BAHCC1: variants seen among roughly 807,000 people sequenced by gnomAD.
BAHCC1 encodes the protein BAH domain and coiled-coil containing 1.
Under a neutral mutation model 88.2 loss-of-function variants are expected in BAHCC1, and 43 were observed. The observed-to-expected ratio is 0.49, with a 90% CI of 0.38 to 0.63. The LOEUF is 0.63. Among genes scored for constraint, BAHCC1 ranks in the 20% least tolerant of loss-of-function variants. The probability of loss-of-function intolerance (pLI) is 0.00; values close to 1 mark genes in which losing one functional copy is unlikely to be tolerated. For synonymous variants in BAHCC1, 1,510 were observed against 745.5 expected (o/e 2.03, Z -16.71); for missense variants, 3,023 against 1,654.8 (o/e 1.83, Z -14.34).
rs375573223 is a variant in BAHCC1 at position 81,443,797 on chromosome 17, G to C, written c.2216-12G>C. On this transcript the variant is annotated splice_polypyrimidine_tract_variant and intron_variant, in intron 5 of 27. Transcript: ENST00000675386. ...CCAACCCTCTCCCGTCTGCTGTCTC[G>C]ACCCTGTGCAGGTGGCGGTGGGCCC... is the stretch of plus-strand genomic sequence containing the variant. The C allele has an allele frequency of 1.6e-5, 11 of 708,938 alleles. 1 individual carries two copies. The highest frequency in any genetic ancestry group is 2.0e-5 in the Admixed American group (1 of 49,984). 43.9% of individuals were successfully genotyped at this position (708,938 alleles called of 1,614,324 possible).
chr17:81,401,468 A>G (rs2063816054), intron 2 of BAHCC1: 1 of 152,690 alleles, frequency 6.5e-6, no homozygotes, highest in African/African-American at 2.4e-5. Flanking sequence ...GGGTGATTTA[A>G]AAATATCTCT....
Position 81,460,337 on chromosome 17 carries a change from A to G in BAHCC1, c.5966A>G (p.Asp1989Gly). 1.3e-6 allele frequency: 1 copy of G among 776,794 alleles called. No homozygotes were observed. The allele number at this position is 776,794 out of a possible 1,614,324, so 48.1% of individuals were successfully genotyped here. A position where few individuals can be genotyped will look rare whatever the true frequency, so the allele number is the denominator to read the frequency against. The change falls in exon 24 of 28, where the codon GAT becomes GGT. Residue 1989 changes from aspartate (D) to glycine (G), a missense_variant. Asp to Gly is a moderately conservative substitution (Grantham distance 94). Coordinates refer to ENST00000675386, the MANE Select transcript of BAHCC1 (RefSeq NM_001377448.1). Reference protein sequence around the residue: ...DSVVVEFDDGDTGHIAVSNVR... With the variant: ...DSVVVEFDDGGTGHIAVSNVR... ...GTAGTGGTGGAATTTGACGATGGGGATACAGGCCACATCGCCGTCTCCAAC... is the reference window on the plus strand; with the variant it reads ...GTAGTGGTGGAATTTGACGATGGGGGTACAGGCCACATCGCCGTCTCCAAC...
At position 81,399,444 on chromosome 17, in the gene BAHCC1, T is replaced by C. The variant is rs1234678732; in HGVS notation, c.-206-90T>C. The C allele has an allele frequency of 5.9e-5, 1 of 16,816 alleles. No homozygotes were observed. The highest frequency in any genetic ancestry group is 1.2e-4 in the Non-Finnish European group (1 of 8,082). 1.0% of individuals were successfully genotyped at this position (16,816 alleles called of 1,614,324 possible). A position where few individuals can be genotyped will look rare whatever the true frequency, so the allele number is the denominator to read the frequency against. On this transcript the variant is annotated intron_variant, in intron 1 of 27. Transcript: ENST00000675386. This position sits in a 1 kb window ranked among gnomAD's most constrained non-coding sequence, Gnocchi z 4.5. The stretch of plus-strand genomic sequence containing the variant: ...CGCTCGGGCCGGCGGGGGTGGGGGG[T>C]GGGGGGAGTGGGTGAGCGGGCGGGG...
At chr17:81,429,375 A>ATCCCC (rs2064235202) in intron 3 of BAHCC1, among the ~76,000 whole-genome samples, 2 of 152,156 alleles carry the variant, frequency 1.3e-5, no homozygotes, top group South Asian at 2.1e-4. Flanking sequence ...ACCCCCCGGG[A>ATCCCC]TCCCCTCCCC....
chr17:81,415,478 C>T, intron 2 of BAHCC1: 1 of 502,318 alleles, frequency 2.0e-6, no homozygotes, highest in Non-Finnish European at 4.0e-6. Context: ...TTGGAGCCAG[C>T]TGTACCAAAA....
chr17:81,406,415 G>A (rs1224253222), intron 2 of BAHCC1, among the ~76,000 whole-genome samples: 3 of 152,034 alleles, frequency 2.0e-5, no homozygotes, highest in Admixed American at 2.0e-4. Flanking sequence ...GGGGTTCCCC[G>A]GTCCCCATTA....
intron 2 of BAHCC1, among the ~76,000 whole-genome samples, chr17:81,415,788 T>C (rs2064012938): frequency 6.6e-6 from 1 of 152,230 alleles, no homozygotes; most frequent in Non-Finnish European, 1.5e-5. Context: ...CCAGCCCTGC[T>C]TAAGCTGACT....
At chr17:81,419,620 G>A (rs2064089347) in intron 2 of BAHCC1, among the ~76,000 whole-genome samples, 1 of 151,758 alleles carries the variant, frequency 6.6e-6, no homozygotes, top group East Asian at 1.9e-4. Flanking sequence ...GCCTGAGTGG[G>A]TGTGGGTCGG....
chr17:81,418,545 C>T (rs1486902178), intron 2 of BAHCC1, among the ~76,000 whole-genome samples: 2 of 152,156 alleles, frequency 1.3e-5, no homozygotes, highest in Admixed American at 6.5e-5. Context: ...GGACATGCCC[C>T]GACCCAGGGC....
At chr17:81,415,467 G>A (rs2064008556) in intron 2 of BAHCC1, 1 of 492,184 alleles carries the variant, frequency 2.0e-6, no homozygotes, top group Non-Finnish European at 4.1e-6. Context: ...GCCCCATGTG[G>A]TTGGAGCCAG....
At chr17:81,423,635 G>A (rs1441231890) in intron 2 of BAHCC1, among the ~76,000 whole-genome samples, 1 of 152,246 alleles carries the variant, frequency 6.6e-6, no homozygotes, top group African/African-American at 2.4e-5. Context: ...AAGGTGCCAG[G>A]GTGCCTGGCT....
intron 3 of BAHCC1, among the ~76,000 whole-genome samples, chr17:81,431,968 C>T (rs1034617365): frequency 0.083 from 12,575 of 152,252 alleles, 610 homozygotes; most frequent in Middle Eastern, 0.14. Flanking sequence ...AGGACTGTGG[C>T]AGATGCGGCA....
chr17:81,442,459 C>T lies in BAHCC1; in HGVS notation c.1110C>T (p.His370=), dbSNP rs560358666. The T allele has an allele frequency of 1.1e-5, 8 of 715,730 alleles. No individual in the cohort carries two copies. Among genetic ancestry groups the T allele is most frequent in the East Asian group, 5.3e-5 (2 of 37,752 alleles). 44.3% of individuals were successfully genotyped at this position (715,730 alleles called of 1,614,324 possible). Residue 370 remains histidine (H), a synonymous_variant, in exon 5 of 28, where the codon CAC becomes CAT. Transcript: ENST00000675386. The part of the protein sequence containing the change: ...AAGSFPCLQL[H]GGPDGLCPLQ... ...GCTCCTTCCCCTGCCTGCAGCTGCA[C>T]GGGGGCCCTGACGGGCTCTGCCCGC...
intron 16 of BAHCC1, among the ~76,000 whole-genome samples, chr17:81,457,117 A>C (rs1442507081): frequency 6.6e-6 from 1 of 151,972 alleles, no homozygotes; most frequent in East Asian, 1.9e-4. Context: ...ACAGCAGAAA[A>C]AGGGGAAGGG....
At chr17:81,418,718 G>A (rs2064066983) in intron 2 of BAHCC1, among the ~76,000 whole-genome samples, 1 of 152,090 alleles carries the variant, frequency 6.6e-6, no homozygotes, top group African/African-American at 2.4e-5. Context: ...CCATGCCCGA[G>A]AACAGAGTCT....
At position 81,460,874 on chromosome 17, in the gene BAHCC1, G is replaced by A. The variant is rs782409877; in HGVS notation, c.6211G>A (p.Glu2071Lys). 2.2e-5 allele frequency: 17 copies of A among 766,528 alleles called. No homozygotes were observed. Among genetic ancestry groups the A allele is most frequent in the East Asian group, 2.2e-4 (9 of 41,224 alleles). 47.5% of individuals were successfully genotyped at this position (766,528 alleles called of 1,614,324 possible). ...SISKDKAGKAELLTSGAKSPT... is the reference protein window; with the variant it reads ...SISKDKAGKAKLLTSGAKSPT... Reference sequence around the variant, plus strand: ...TGGGCTTTTGCCCTCAGGTAAAGCCGAACTCCTAACCTCAGGTGCCAAATC... The same window carrying A: ...TGGGCTTTTGCCCTCAGGTAAAGCCAAACTCCTAACCTCAGGTGCCAAATC... The change falls in exon 26 of 28, where the codon GAA becomes AAA. Residue 2071 changes from glutamate (E) to lysine (K), a missense_variant. Physicochemically the swap from Glu to Lys is moderately conservative, Grantham distance 56. Transcript: ENST00000675386.
In BAHCC1 at chr17:81,399,985, C is replaced by T. The variant is rs371817059; in HGVS notation, c.178+68C>T. The T allele has an allele frequency of 1.9e-4, 224 of 1,203,796 alleles. 1 individual carries two copies. In the East Asian group the frequency reaches 4.8e-3, roughly 26 times the overall value. The allele number at this position is 1,203,796 out of a possible 1,614,324, so 74.6% of individuals were successfully genotyped here. ...GAGCGGAACAGGGCGCCCACCCCTC[C>T]GCTCCCGGGAGCAGAGAAGCTTTGG... On this transcript the variant is annotated intron_variant, in intron 2 of 27. Coordinates refer to ENST00000675386, the MANE Select transcript of BAHCC1 (RefSeq NM_001377448.1). The surrounding 1 kb of genome is among the most constrained non-coding windows in gnomAD (Gnocchi z 4.5).
chr17:81,435,451 A>AC lies in BAHCC1; in HGVS notation c.359-2917dup, dbSNP rs781794549. The AC allele has an allele frequency of 4.3e-6, 2 of 470,504 alleles. No individual in the cohort carries two copies. Among genetic ancestry groups the AC allele is most frequent in the Non-Finnish European group, 8.8e-6 (2 of 226,900 alleles). 29.1% of individuals were successfully genotyped at this position (470,504 alleles called of 1,614,324 possible). A position where few individuals can be genotyped will look rare whatever the true frequency, so the allele number is the denominator to read the frequency against. The stretch of plus-strand genomic sequence containing the variant: ...CCACGCTCCACCAGGCTCCGAGGGC[A>AC]CCAGCAGCCTGTGTCCTGACCACCT... On this transcript the variant is annotated intron_variant, in intron 3 of 27. Transcript: ENST00000675386. The surrounding 1 kb of genome is among the most constrained non-coding windows in gnomAD (Gnocchi z 4.4).
At chr17:81,421,619 A>G (rs1257848579) in intron 2 of BAHCC1, among the ~76,000 whole-genome samples, 1 of 152,126 alleles carries the variant, frequency 6.6e-6, no homozygotes, top group Non-Finnish European at 1.5e-5. Context: ...TGGGGGAGAA[A>G]TCCACGCCTT....
Sources: allele counts gnomAD v4.1 joint callset (sites outside exome capture counted in the v4.1 genomes callset), GRCh38; gene constraint gnomAD v4.1.1; non-coding constraint Gnocchi (gnomAD v3.1); transcripts MANE v1.5; gene names NCBI Gene and HGNC (gene_info 2026-07-23, HGNC 2026-07-21).